SUCO: variants seen among roughly 807,000 people sequenced by gnomAD.
The protein encoded by SUCO is SUN domain containing ossification factor.
A neutral mutation model predicts 148.1 loss-of-function variants in SUCO; 57 were observed. The observed-to-expected ratio is 0.38, with a 90% confidence interval of 0.31 to 0.48. SUCO has a LOEUF of 0.48. Ranked by LOEUF, SUCO falls within the 20% of genes least tolerant of loss-of-function variation. The pLI, the probability that SUCO is intolerant of heterozygous loss-of-function variation, is 0.96. For missense variants in SUCO, 1,331 were observed against 1,468.2 expected (o/e 0.91, Z 1.53); for synonymous variants, 470 against 502.7 (o/e 0.93, Z 0.87).
At chr1:172,569,508 AG>A in intron 7 of SUCO, 3 of 982,884 alleles carry the variant, frequency 3.1e-6, no homozygotes, top group Non-Finnish European at 3.6e-6. Context: ...ACTTACCAAA[AG>A]GTGTTTTACA....
intron 6 of SUCO, among the ~76,000 whole-genome samples, chr1:172,563,334 G>A (rs1654320605): frequency 6.6e-6 from 1 of 152,192 alleles, no homozygotes; most frequent in African/African-American, 2.4e-5. Context: ...CTTGTTGAAT[G>A]GTTTTGACCA....
intron 1 of SUCO, among the ~76,000 whole-genome samples, chr1:172,536,962 C>T (rs1422035820): frequency 1.3e-5 from 2 of 152,070 alleles, no homozygotes; most frequent in African/African-American, 2.4e-5. Context: ...TCTCATAATC[C>T]TTAATTTAAT....
intron 19 of SUCO, among the ~76,000 whole-genome samples, chr1:172,595,709 A>AT (rs1348410106): frequency 2.0e-5 from 3 of 151,740 alleles, no homozygotes; most frequent in African/African-American, 7.3e-5. Flanking sequence ...TGCCCTTAAT[A>AT]TTTTTTCCTT....
intron 1 of SUCO, among the ~76,000 whole-genome samples, chr1:172,535,442 G>A (rs1279621103): frequency 6.6e-6 from 1 of 152,104 alleles, no homozygotes; most frequent in African/African-American, 2.4e-5. Flanking sequence ...ATGAGATTGG[G>A]GAAGAGGAGT....
At chr1:172,554,472 G>C (rs560272207) in intron 3 of SUCO, among the ~76,000 whole-genome samples, 1 of 152,128 alleles carries the variant, frequency 6.6e-6, no homozygotes, top group African/African-American at 2.4e-5. Flanking sequence ...ATTGGATTTT[G>C]AAGACTTAAT....
intron 6 of SUCO, 131 bp from the exon 7 acceptor site, chr1:172,568,888 T>A (rs1654746831): frequency 1.1e-6 from 1 of 914,958 alleles, no homozygotes; most frequent in Non-Finnish European, 1.5e-6. Flanking sequence ...TTACGTTTTT[T>A]ATTTTTTCAA....
rs931206302 is a variant in SUCO at position 172,533,515 on chromosome 1, C to T, written c.62+18C>T. 1 of 1,530,568 alleles carries T rather than the reference C, an allele frequency of 6.5e-7. No individual in the cohort carries two copies. The allele number at this position is 1,530,568 out of a possible 1,614,324, so 94.8% of individuals were successfully genotyped here. On this transcript the variant is annotated intron_variant, in intron 1 of 23. Transcript: ENST00000263688. ...CTGGTCTGGTGAGTAGCCGCGACGA[C>T]AAGGGAGTTCCCGTGAGGGGAGTAA...
At chr1:172,539,654 T>C (rs902363159) in intron 1 of SUCO, among the ~76,000 whole-genome samples, 1 of 152,168 alleles carries the variant, frequency 6.6e-6, no homozygotes, top group African/African-American at 2.4e-5. Flanking sequence ...TTATGTAGCG[T>C]TTGTAATCTA....
In SUCO at chr1:172,588,196, C is replaced by T. The variant is rs183910611; in HGVS notation, c.1659-564C>T. ...GTGTGTGTGCGTTGTGTGTTTAATGCTGTATTGGAGTTCCTCAAATCATTC... is the reference window on the plus strand; with the variant it reads ...GTGTGTGTGCGTTGTGTGTTTAATGTTGTATTGGAGTTCCTCAAATCATTC... On this transcript the variant is annotated intron_variant, in intron 17 of 23. Transcript: ENST00000263688. 10 of 985,116 alleles carry T rather than the reference C, an allele frequency of 1.0e-5. No homozygotes were observed. The African/African-American group carries it at 1.7e-4, about 17-fold the overall frequency. 61.0% of individuals were successfully genotyped at this position (985,116 alleles called of 1,614,324 possible). A position where few individuals can be genotyped will look rare whatever the true frequency, so the allele number is the denominator to read the frequency against.
Position 172,557,362 on chromosome 1 carries a change from G to A in SUCO, c.526G>A (p.Ala176Thr). 15 of 1,614,016 alleles carry A rather than the reference G, an allele frequency of 9.3e-6. No individual in the cohort carries two copies. Among genetic ancestry groups the A allele is most frequent in the Non-Finnish European group, 1.3e-5 (15 of 1,179,920 alleles). Residue 176 changes from alanine to threonine, a missense_variant, in exon 5 of 24, where the codon GCC becomes ACC. Physicochemically the swap from Ala to Thr is moderately conservative, Grantham distance 58. This residue lies in a region of SUCO where 992 missense variants were observed against 1,093.5 expected (regional missense o/e 0.91). Coordinates refer to ENST00000263688, the MANE Select transcript of SUCO (RefSeq NM_014283.5). ...TGAAACTGATTGTGATGTTGGTGAG[G>A]CCCTTGATGCTAGTGCTCCAATTGA... ...QSETDCDVGE[A>T]LDASAPIEQP...
At chr1:172,590,956 C>T in intron 18 of SUCO, 28 bp from the exon 19 acceptor site, 1 of 1,499,422 alleles carries the variant, frequency 6.7e-7, no homozygotes, top group Admixed American at 1.8e-5. Flanking sequence ...GAAATTAAAG[C>T]TGATTTAGAC....
At chr1:172,555,823 A>G (rs769847445) in intron 3 of SUCO, 46 bp from the exon 4 acceptor site, 1 of 1,486,376 alleles carries the variant, frequency 6.7e-7, no homozygotes, top group Non-Finnish European at 9.2e-7. Flanking sequence ...AAGAGATGTT[A>G]TATTAATCTC....
At chr1:172,552,362 C>T (rs959689096) in intron 2 of SUCO, among the ~76,000 whole-genome samples, 3 of 151,892 alleles carry the variant, frequency 2.0e-5, no homozygotes, top group African/African-American at 7.2e-5. Flanking sequence ...ATCCCCCTTC[C>T]CCTCCAGTGA....
chr1:172,567,989 C>T (rs1654681691), intron 6 of SUCO, among the ~76,000 whole-genome samples: 1 of 152,214 alleles, frequency 6.6e-6, no homozygotes, highest in African/African-American at 2.4e-5. Context: ...CGCCTGAATT[C>T]TGCCTCCTGT....
intron 1 of SUCO, among the ~76,000 whole-genome samples, chr1:172,535,524 A>G (rs542745526): frequency 1.2e-4 from 19 of 152,264 alleles, no homozygotes; most frequent in African/African-American, 4.6e-4. Context: ...AGTTGGAATT[A>G]ATGGCACTTA....
chr1:172,572,696 TAAA>T (rs61248782), intron 9 of SUCO, among the ~76,000 whole-genome samples: 5,524 of 49,300 alleles, frequency 0.11, 15 homozygotes, highest in African/African-American at 0.15. Flanking sequence ...GAATGATCAA[TAAA>T]AAAAAAAAAA....
At chr1:172,565,349 C>G (rs779029528) in intron 6 of SUCO, among the ~76,000 whole-genome samples, 33 of 152,156 alleles carry the variant, frequency 2.2e-4, no homozygotes, top group Non-Finnish European at 4.6e-4. Flanking sequence ...TAAGACAGCT[C>G]CCAAGAAGGA....
At chr1:172,577,737 C>T in intron 12 of SUCO, 27 bp from the exon 13 acceptor site, 1 of 1,607,550 alleles carries the variant, frequency 6.2e-7, no homozygotes, top group Non-Finnish European at 8.5e-7. Context: ...CTGCTGGCTT[C>T]CCATTTTATG....
intron 1 of SUCO, among the ~76,000 whole-genome samples, chr1:172,537,730 A>T (rs1290288242): frequency 6.6e-6 from 1 of 152,228 alleles, no homozygotes; most frequent in East Asian, 1.9e-4. Context: ...GGAGAAGCTT[A>T]TATTTAGACT....
Sources: gnomAD v4.1 joint callset for allele counts (sites outside exome capture counted in the v4.1 genomes callset) on GRCh38, gnomAD v4.1.1 for gene constraint, gnomAD v4.1.1 regional missense constraint, MANE v1.5 for transcripts, NCBI Gene and HGNC (gene_info 2026-07-23, HGNC 2026-07-21) for gene names.